The following PLEKHA7 variants were observed in gnomAD, a reference collection of about 807,000 sequenced individuals.
PLEKHA7 encodes pleckstrin homology domain-containing family A member 7.
Under a neutral mutation model 170.0 loss-of-function variants are expected in PLEKHA7, and 104 were observed. The observed-to-expected ratio is 0.61, with a 90% confidence interval of 0.52 to 0.72. The LOEUF (loss-of-function observed/expected upper bound fraction) is 0.72, where lower values mean the gene tolerates loss of function less well. Among genes scored for constraint, PLEKHA7 ranks in the 30% least tolerant of loss-of-function variants. The pLI is 0.00. For synonymous variants in PLEKHA7, 648 were observed against 660.8 expected (o/e 0.98, Z 0.30); for missense variants, 1,615 against 1,671.7 (o/e 0.97, Z 0.59).
chr11:16,892,999 A>T (rs888910383), intron 3 of PLEKHA7, among the ~76,000 whole-genome samples: 2 of 152,190 alleles, frequency 1.3e-5, no homozygotes, highest in Non-Finnish European at 2.9e-5. Context: ...TTTTATAGGG[A>T]CACTAATCCC....
intron 4 of PLEKHA7, among the ~76,000 whole-genome samples, chr11:16,859,397 T>TG (rs1026895645): frequency 3.3e-5 from 5 of 152,192 alleles, no homozygotes; most frequent in African/African-American, 1.2e-4. Flanking sequence ...TGGTCGTGCT[T>TG]GGGGATGCCA....
intron 3 of PLEKHA7, among the ~76,000 whole-genome samples, chr11:16,955,594 G>C (rs1861649784): frequency 6.6e-6 from 1 of 152,164 alleles, no homozygotes; most frequent in Non-Finnish European, 1.5e-5. Context: ...ATATAGTTAA[G>C]CTCAGAATCG....
intron 10 of PLEKHA7, among the ~76,000 whole-genome samples, chr11:16,819,129 G>A (rs538084571): frequency 4.0e-5 from 6 of 151,098 alleles, no homozygotes; most frequent in Admixed American, 1.3e-4. Flanking sequence ...CTGGAGTCTC[G>A]CTGTTTTGCC....
intron 3 of PLEKHA7, among the ~76,000 whole-genome samples, chr11:16,884,262 C>T (rs994595673): frequency 6.6e-6 from 1 of 152,082 alleles, no homozygotes; most frequent in African/African-American, 2.4e-5. Context: ...CCAATTTGTC[C>T]CCCAAACTAG....
chr11:16,973,642 T>C (rs1862861630), intron 3 of PLEKHA7, among the ~76,000 whole-genome samples: 1 of 152,168 alleles, frequency 6.6e-6, no homozygotes, highest in Non-Finnish European at 1.5e-5. Context: ...CAATTGCAGG[T>C]GAGGCCTGGG....
At chr11:16,935,484 C>A (rs1446099995) in intron 3 of PLEKHA7, among the ~76,000 whole-genome samples, 1 of 152,188 alleles carries the variant, frequency 6.6e-6, no homozygotes, top group Non-Finnish European at 1.5e-5. Flanking sequence ...CATGTCAGTG[C>A]CCACTGCTAT....
chr11:16,840,227 A>T (rs1851842613), intron 9 of PLEKHA7, among the ~76,000 whole-genome samples: 1 of 152,150 alleles, frequency 6.6e-6, no homozygotes, highest in East Asian at 1.9e-4. Context: ...CACTCACCAG[A>T]CATTTGAGAG....
Position 16,817,131 on chromosome 11 carries a change from C to T in PLEKHA7, c.1535G>A (p.Arg512His), listed in dbSNP as rs750725117. 5 of 1,614,064 alleles carry T rather than the reference C, an allele frequency of 3.1e-6. No individual in the cohort carries two copies. Among genetic ancestry groups the T allele is most frequent in the African/African-American group, 1.3e-5 (1 of 74,946 alleles). Residue 512 changes from arginine (R) to histidine (H), a missense_variant, in exon 11 of 27, where the codon CGC becomes CAC. By Grantham distance (29) the Arg-to-His change is conservative. Coordinates refer to ENST00000531066, the MANE Select transcript of PLEKHA7 (RefSeq NM_001329630.2). This position sits in a 1 kb window ranked among gnomAD's most constrained non-coding sequence, Gnocchi z 4.4. ...CACGGTGCCATCCCGGTGCGCCCGG[C>T]GCTCTTCACTCGACATCTTCAGGTG... is the stretch of plus-strand genomic sequence containing the variant. ...ASHLKMSSEERRAHRDGTVWQ... is the reference protein window; with the variant it reads ...ASHLKMSSEEHRAHRDGTVWQ...
At chr11:16,907,498 G>A (rs1205562924) in intron 3 of PLEKHA7, among the ~76,000 whole-genome samples, 4 of 111,278 alleles carry the variant, frequency 3.6e-5, no homozygotes, top group East Asian at 2.5e-4. Context: ...CAGCCGCCCC[G>A]TCCGGGAGGG....
intron 3 of PLEKHA7, among the ~76,000 whole-genome samples, chr11:16,993,450 G>A (rs763312347): frequency 6.6e-6 from 1 of 152,102 alleles, no homozygotes; most frequent in Non-Finnish European, 1.5e-5. Context: ...CATTCACAGA[G>A]ATCCCAGCTC....
At chr11:16,884,550 G>T (rs1334867184) in intron 3 of PLEKHA7, among the ~76,000 whole-genome samples, 1 of 152,096 alleles carries the variant, frequency 6.6e-6, no homozygotes, top group Non-Finnish European at 1.5e-5. Flanking sequence ...CAGGAGAATT[G>T]TTTGAACCCA....
At chr11:16,899,204 CT>C (rs1287015127) in intron 3 of PLEKHA7, among the ~76,000 whole-genome samples, 1 of 152,130 alleles carries the variant, frequency 6.6e-6, no homozygotes, top group Non-Finnish European at 1.5e-5. Context: ...ATAGACAAAA[CT>C]TTTGCATATG....
chr11:16,856,013 G>T, intron 4 of PLEKHA7, 99 bp from the exon 5 acceptor site: 2 of 983,854 alleles, frequency 2.0e-6, no homozygotes, highest in African/African-American at 1.6e-5. Flanking sequence ...TTGGGCCTTA[G>T]AACAACCCAA....
rs149930689 is a variant in PLEKHA7, at chr11:16,996,351, G to A, written c.221+17638C>T. On this transcript the variant is annotated intron_variant, in intron 3 of 26. Transcript: ENST00000531066. The stretch of plus-strand genomic sequence containing the variant: ...TGAGGGAGGCCAAGTCTGGTCAAAG[G>A]CCCTCAACATGGAGACAGTAGACTC... Among the ~76,000 whole-genome samples the A allele has an allele frequency of 4.0e-3, 614 of 152,280 alleles. 5 individuals carry two copies. Among genetic ancestry groups the A allele is most frequent in the African/African-American group, 0.014 (584 of 41,560 alleles).
At chr11:16,959,060 A>G (rs1861882634) in intron 3 of PLEKHA7, among the ~76,000 whole-genome samples, 1 of 152,236 alleles carries the variant, frequency 6.6e-6, no homozygotes, top group South Asian at 2.1e-4. Flanking sequence ...CCCTGACACC[A>G]CTGTTGTTTC....
chr11:16,947,941 AG>A (rs1861152061), intron 3 of PLEKHA7, among the ~76,000 whole-genome samples: 1 of 151,308 alleles, frequency 6.6e-6, no homozygotes, highest in Non-Finnish European at 1.5e-5. Context: ...AAGAAAAAAA[AG>A]AAAAAAAGAA....
At chr11:16,889,982 G>C (rs1236977086) in intron 3 of PLEKHA7, among the ~76,000 whole-genome samples, 3 of 152,078 alleles carry the variant, frequency 2.0e-5, no homozygotes, top group African/African-American at 7.2e-5. Flanking sequence ...AACCAGAAAA[G>C]TTTGGGGTTC....
At chr11:16,883,756 T>C (rs546919514) in intron 3 of PLEKHA7, among the ~76,000 whole-genome samples, 2 of 152,302 alleles carry the variant, frequency 1.3e-5, no homozygotes, top group East Asian at 3.9e-4. Flanking sequence ...AGTATTAATA[T>C]ATAGCAACAC....
At chr11:16,947,041 A>G (rs1005490436) in intron 3 of PLEKHA7, among the ~76,000 whole-genome samples, 1 of 152,196 alleles carries the variant, frequency 6.6e-6, no homozygotes, top group African/African-American at 2.4e-5. Context: ...TATAAAGAAT[A>G]CAGAGGCCTG....
Sources: allele counts gnomAD v4.1 joint callset (sites outside exome capture counted in the v4.1 genomes callset), GRCh38; gene constraint gnomAD v4.1.1; non-coding constraint Gnocchi (gnomAD v3.1); transcripts MANE v1.5; gene names NCBI Gene and HGNC (gene_info 2026-07-23, HGNC 2026-07-21).